FAM107B: variants seen among roughly 807,000 people sequenced by gnomAD.
FAM107B encodes family with sequence similarity 107 member B.
FAM107B carries 21 observed loss-of-function variants against 31.5 expected under a neutral mutation model. That is an observed-to-expected ratio of 0.67 (90% CI 0.47 to 0.96). FAM107B has a LOEUF of 0.96. Ranked by LOEUF, FAM107B falls within the 40% of genes least tolerant of loss-of-function variation. The probability of loss-of-function intolerance (pLI) is 0.00; values close to 1 mark genes in which losing one functional copy is unlikely to be tolerated. For missense variants in FAM107B, 452 were observed against 377.1 expected (o/e 1.20, Z -1.64); for synonymous variants, 157 against 141.5 (o/e 1.11, Z -0.78).
chr10:14,719,984 C>T (rs577267442), intron 1 of FAM107B, among the ~76,000 whole-genome samples: 2 of 142,162 alleles, frequency 1.4e-5, no homozygotes, highest in East Asian at 1.9e-4. Flanking sequence ...CTGGGTACCC[C>T]ACAGAGAAAA....
intron 2 of FAM107B, among the ~76,000 whole-genome samples, chr10:14,625,832 C>A (rs1218669160): frequency 1.4e-5 from 2 of 145,372 alleles, no homozygotes; most frequent in South Asian, 2.2e-4. Context: ...ACACAACAAG[C>A]AAAACCATCC....
intron 1 of FAM107B, among the ~76,000 whole-genome samples, chr10:14,718,820 C>T (rs1173351613): frequency 6.6e-6 from 1 of 152,192 alleles, no homozygotes; most frequent in Admixed American, 6.5e-5. Context: ...CTGTTCATTG[C>T]AGTTGATGAA....
chr10:14,690,882 G>T (rs140948117), intron 1 of FAM107B, among the ~76,000 whole-genome samples: 1 of 152,318 alleles, frequency 6.6e-6, no homozygotes, highest in East Asian at 1.9e-4. Context: ...TATATGCTAT[G>T]ATGGTAGTGA....
intron 2 of FAM107B, among the ~76,000 whole-genome samples, chr10:14,633,520 TC>T (rs1853420436): frequency 6.6e-6 from 1 of 152,206 alleles, no homozygotes; most frequent in South Asian, 2.1e-4. Flanking sequence ...ATTGATTCAT[TC>T]TTACATTAAC....
chr10:14,562,198 T>C (rs1384924537), intron 2 of FAM107B, among the ~76,000 whole-genome samples: 3 of 152,254 alleles, frequency 2.0e-5, no homozygotes, highest in Admixed American at 6.5e-5. Flanking sequence ...CCCTCAAATA[T>C]AATATCCTCA....
rs529201461 is a variant in FAM107B, at chr10:14,673,310, C to T, written c.412-5619G>A. 2.0e-5 allele frequency among the ~76,000 whole-genome samples: 3 copies of T among 152,306 alleles called. No individual in the cohort carries two copies. The East Asian group carries it at 5.8e-4, about 29-fold the overall frequency. On this transcript the variant is annotated intron_variant, in intron 1 of 4. Coordinates refer to ENST00000181796, the MANE Select transcript of FAM107B (RefSeq NM_031453.4). ...TCCTTCCCCCTAACCTTCCCAGCCT[C>T]TGGTAACCACTGTTCTCCTCTCCAC... is the stretch of plus-strand genomic sequence containing the variant.
rs557868079 is a variant in FAM107B, at chr10:14,717,483, C to T, written c.412-49792G>A. ...GACAGTGCAGCCCTAAGTCTGAGAG[C>T]CCCTGGGAGGCCACTGGAGCAAGAC... On this transcript the variant is annotated intron_variant, in intron 1 of 4. Transcript: ENST00000181796. Among the ~76,000 whole-genome samples the T allele has an allele frequency of 9.5e-4, 144 of 152,288 alleles. 2 individuals carry two copies. The Middle Eastern group carries it at 0.017, about 18-fold the overall frequency.
At chr10:14,758,911 G>T (rs1443336578) in intron 1 of FAM107B, among the ~76,000 whole-genome samples, 1 of 145,116 alleles carries the variant, frequency 6.9e-6, no homozygotes, top group Admixed American at 6.9e-5. Flanking sequence ...AGGCACAGAG[G>T]CTCATGCCTG....
chr10:14,639,881 G>A (rs1246376110), intron 2 of FAM107B, among the ~76,000 whole-genome samples: 1 of 152,172 alleles, frequency 6.6e-6, no homozygotes, highest in African/African-American at 2.4e-5. Context: ...ACTACCCGGA[G>A]TGACCTTCTT....
At chr10:14,750,634 A>G (rs1588753994) in intron 1 of FAM107B, among the ~76,000 whole-genome samples, 2 of 152,264 alleles carry the variant, frequency 1.3e-5, no homozygotes, top group Middle Eastern at 3.4e-3. Context: ...ATAGCACTGC[A>G]AAGCTATCAA....
intron 2 of FAM107B, among the ~76,000 whole-genome samples, chr10:14,541,424 A>G (rs1045915913): frequency 5.3e-4 from 81 of 152,148 alleles, no homozygotes; most frequent in African/African-American, 1.9e-3. Context: ...CAGCCAGTAC[A>G]CACCAAGCCC....
chr10:14,575,804 C>G lies in FAM107B; in HGVS notation c.470-45289G>C, dbSNP rs746649552. Reference sequence around the variant, plus strand: ...CTAATCTACTTTACGTTTTAAAATGCGGGCTGTGACCCTCAGTATAAAAAC... The same window carrying G: ...CTAATCTACTTTACGTTTTAAAATGGGGGCTGTGACCCTCAGTATAAAAAC... On this transcript the variant is annotated intron_variant, in intron 2 of 4. Transcript: ENST00000181796. Among the ~76,000 whole-genome samples, 4 of 152,248 alleles carry G rather than the reference C, an allele frequency of 2.6e-5. No individual in the cohort carries two copies. The East Asian group carries it at 5.8e-4, about 22-fold the overall frequency.
chr10:14,601,686 T>C (rs562127165), intron 2 of FAM107B, among the ~76,000 whole-genome samples: 1 of 152,188 alleles, frequency 6.6e-6, no homozygotes, highest in Non-Finnish European at 1.5e-5. Flanking sequence ...GCCCAAAATC[T>C]AGATCTCACT....
At chr10:14,583,786 T>C (rs900311910) in intron 2 of FAM107B, among the ~76,000 whole-genome samples, 1 of 152,112 alleles carries the variant, frequency 6.6e-6, no homozygotes, top group Non-Finnish European at 1.5e-5. Context: ...CACAAGTTCG[T>C]CCATTCACCG....
chr10:14,620,690 T>TC (rs1852988188), intron 2 of FAM107B, among the ~76,000 whole-genome samples: 2 of 152,114 alleles, frequency 1.3e-5, no homozygotes, highest in South Asian at 4.2e-4. Flanking sequence ...CAGCCCGCCA[T>TC]CCCCCCACAG....
chr10:14,599,933 A>C (rs751198425), intron 2 of FAM107B, among the ~76,000 whole-genome samples: 4 of 152,122 alleles, frequency 2.6e-5, no homozygotes, highest in Non-Finnish European at 5.9e-5. Context: ...AAATATTTTT[A>C]AAGCTGAAAG....
chr10:14,739,723 T>C (rs1452925531), intron 1 of FAM107B, among the ~76,000 whole-genome samples: 1 of 152,200 alleles, frequency 6.6e-6, no homozygotes, highest in Non-Finnish European at 1.5e-5. Context: ...CTACAACTTG[T>C]GCTAGAAAGA....
intron 1 of FAM107B, among the ~76,000 whole-genome samples, chr10:14,669,662 G>C (rs1273090294): frequency 3.3e-5 from 5 of 152,178 alleles, no homozygotes; most frequent in Non-Finnish European, 1.5e-5. Context: ...ATAAATATCT[G>C]TTTGCCTTTC....
chr10:14,586,106 C>T (rs538731635), intron 2 of FAM107B, among the ~76,000 whole-genome samples: 9 of 152,238 alleles, frequency 5.9e-5, no homozygotes, highest in African/African-American at 1.9e-4. Flanking sequence ...ACTGAGTCCG[C>T]ATCACTGTCA....
Sources: allele counts gnomAD v4.1 joint callset (sites outside exome capture counted in the v4.1 genomes callset), GRCh38; gene constraint gnomAD v4.1.1; transcripts MANE v1.5; gene names NCBI Gene and HGNC (gene_info 2026-07-23, HGNC 2026-07-21).